ACOXL: variants seen among roughly 807,000 people sequenced by gnomAD.
The protein encoded by ACOXL is acyl-coenzyme A oxidase-like protein.
Under a neutral mutation model 71.9 loss-of-function variants are expected in ACOXL, and 70 were observed. The observed-to-expected ratio is 0.97, with a 90% CI of 0.80 to 1.19. ACOXL has a LOEUF of 1.19. ACOXL is among the 50% of genes most tolerant of loss of function. The probability of loss-of-function intolerance (pLI) is 0.00; values close to 1 mark genes in which losing one functional copy is unlikely to be tolerated. For missense variants in ACOXL, 703 were observed against 736.3 expected (o/e 0.95, Z 0.52); for synonymous variants, 253 against 281.6 (o/e 0.90, Z 1.02).
intron 13 of ACOXL, among the ~76,000 whole-genome samples, chr2:110,994,123 G>A (rs1293524668): frequency 1.3e-5 from 2 of 152,214 alleles, no homozygotes; most frequent in Non-Finnish European, 1.5e-5. Context: ...GGACAAACAT[G>A]TTCTACAGTC....
chr2:111,096,037 C>A (rs899488086), intron 17 of ACOXL, among the ~76,000 whole-genome samples: 3 of 152,066 alleles, frequency 2.0e-5, no homozygotes, highest in African/African-American at 7.2e-5. Flanking sequence ...ATTGAAAGTG[C>A]TAAATGAGAA....
At chr2:110,857,988 A>G (rs1353299218) in intron 10 of ACOXL, among the ~76,000 whole-genome samples, 2 of 152,122 alleles carry the variant, frequency 1.3e-5, no homozygotes, top group Non-Finnish European at 2.9e-5. Flanking sequence ...GGCCTCCCAA[A>G]GTGCTGGGAT....
intron 12 of ACOXL, among the ~76,000 whole-genome samples, chr2:110,955,065 A>G (rs567121574): frequency 2.8e-4 from 42 of 152,298 alleles, no homozygotes; most frequent in African/African-American, 9.9e-4. Flanking sequence ...TCACTATAAT[A>G]TGTATAAATA....
chr2:110,861,776 G>A (rs562579161), intron 10 of ACOXL, among the ~76,000 whole-genome samples: 11 of 152,326 alleles, frequency 7.2e-5, no homozygotes, highest in African/African-American at 2.4e-4. Context: ...GGTTTCAGTG[G>A]ATCTTGCTCT....
At chr2:111,103,676 C>T (rs2069333178) in intron 17 of ACOXL, among the ~76,000 whole-genome samples, 1 of 151,874 alleles carries the variant, frequency 6.6e-6, no homozygotes, top group African/African-American at 2.4e-5. Flanking sequence ...TATGCTTCAC[C>T]TAAAAAGCAT....
chr2:110,764,369 G>C (rs1284334599), intron 1 of ACOXL, among the ~76,000 whole-genome samples: 1 of 152,122 alleles, frequency 6.6e-6, no homozygotes, highest in Non-Finnish European at 1.5e-5. Flanking sequence ...AAAGCACATG[G>C]AGACTTAAAG....
Position 110,959,174 on chromosome 2 carries a change from T to C in ACOXL, c.1059+25532T>C, listed in dbSNP as rs576080776. Among the ~76,000 whole-genome samples the C allele has an allele frequency of 1.5e-4, 23 of 152,310 alleles. No homozygotes were observed. In the South Asian group the frequency reaches 4.8e-3, roughly 32 times the overall value. On this transcript the variant is annotated intron_variant, in intron 12 of 17. Transcript: ENST00000439055. Reference sequence around the variant, plus strand: ...CTTGAGGGAGATGACAGAGGGTTAATTGAGGATGGCAGGGCCCTCCATGTG... The same window carrying C: ...CTTGAGGGAGATGACAGAGGGTTAACTGAGGATGGCAGGGCCCTCCATGTG...
Position 110,805,273 on chromosome 2 carries a change from G to T in ACOXL, c.631G>T (p.Val211Leu). 6.2e-7 allele frequency: 1 copy of T among 1,614,088 alleles called. No individual in the cohort carries two copies. The highest frequency in any genetic ancestry group is 8.5e-7 in the Non-Finnish European group (1 of 1,180,008). The change falls in exon 9 of 18, where the codon GTG becomes TTG. Residue 211 changes from valine (V) to leucine (L), a missense_variant. Physicochemically the swap from Val to Leu is conservative, Grantham distance 32. Coordinates refer to ENST00000439055, the MANE Select transcript of ACOXL (RefSeq NM_001142807.4). ...RENLLDKFGS[V>L]APDGQYHSPI... ...CTCTCTTTTCCACAGGTTTGGTTCC[G>T]TGGCTCCAGATGGACAGTACCATTC...
intron 1 of ACOXL, among the ~76,000 whole-genome samples, chr2:110,753,678 A>G (rs895569824): frequency 6.6e-6 from 1 of 152,240 alleles, no homozygotes; most frequent in Non-Finnish European, 1.5e-5. Flanking sequence ...TGATAAGAAC[A>G]TTCTTCTATG....
intron 1 of ACOXL, among the ~76,000 whole-genome samples, chr2:110,747,719 C>T (rs150113871): frequency 3.3e-5 from 5 of 152,280 alleles, no homozygotes; most frequent in African/African-American, 4.8e-5. Context: ...CTGCCAAAAC[C>T]GACATACCTT....
At chr2:110,903,518 T>A (rs2059326595) in intron 10 of ACOXL, among the ~76,000 whole-genome samples, 1 of 152,242 alleles carries the variant, frequency 6.6e-6, no homozygotes, top group Admixed American at 6.5e-5. Flanking sequence ...ACTTTTTGAT[T>A]TTAAAGACCA....
chr2:110,919,533 G>A lies in ACOXL; in HGVS notation c.905+10628G>A, dbSNP rs140571659. Among the ~76,000 whole-genome samples the A allele has an allele frequency of 7.7e-3, 1,165 of 151,980 alleles. 17 individuals are homozygous for A. Among genetic ancestry groups the A allele is most frequent in the African/African-American group, 0.026 (1,082 of 41,384 alleles). On this transcript the variant is annotated intron_variant, in intron 11 of 17. Coordinates refer to ENST00000439055, the MANE Select transcript of ACOXL (RefSeq NM_001142807.4). ...TAACAAACCTGCATATTCTGCAGAT[G>A]TACCCCAGAACTTAAACTATAATAG...
intron 11 of ACOXL, among the ~76,000 whole-genome samples, chr2:110,912,212 A>C (rs1196392635): frequency 6.6e-6 from 1 of 152,118 alleles, no homozygotes; most frequent in Non-Finnish European, 1.5e-5. Context: ...CTGTAGATAT[A>C]AAGCAGTCTC....
At chr2:110,965,219 C>G (rs1465179651) in intron 12 of ACOXL, among the ~76,000 whole-genome samples, 5 of 152,020 alleles carry the variant, frequency 3.3e-5, no homozygotes, top group Non-Finnish European at 7.4e-5. Context: ...TTCTCCATTT[C>G]TTTGTGTGAT....
intron 12 of ACOXL, among the ~76,000 whole-genome samples, chr2:110,945,123 C>T (rs903147440): frequency 1.3e-5 from 2 of 152,156 alleles, no homozygotes; most frequent in Non-Finnish European, 2.9e-5. Flanking sequence ...TTTTCATATG[C>T]TTGCTAGCTG....
chr2:110,949,382 A>G (rs889533382), intron 12 of ACOXL, among the ~76,000 whole-genome samples: 1 of 94,324 alleles, frequency 1.1e-5, no homozygotes, highest in African/African-American at 3.6e-5. Flanking sequence ...TTTCTGACCA[A>G]CTCCCTTTCT....
chr2:110,810,419 ACCTT>A (rs1218104300), intron 9 of ACOXL, among the ~76,000 whole-genome samples: 1 of 152,012 alleles, frequency 6.6e-6, no homozygotes, highest in African/African-American at 2.4e-5. Context: ...TACTCTTCTA[ACCTT>A]CCTTCCATGT....
At chr2:111,046,018 C>T (rs2066000666) in intron 15 of ACOXL, among the ~76,000 whole-genome samples, 1 of 152,234 alleles carries the variant, frequency 6.6e-6, no homozygotes, top group Non-Finnish European at 1.5e-5. Context: ...CCTGCACCCT[C>T]TCCTGAGGCC....
chr2:110,989,600 C>G (rs529357847), intron 13 of ACOXL, among the ~76,000 whole-genome samples: 1 of 151,994 alleles, frequency 6.6e-6, no homozygotes, highest in African/African-American at 2.4e-5. Context: ...ATATTGGTTC[C>G]CAGGGGCTAA....
Sources: allele counts gnomAD v4.1 joint callset (sites outside exome capture counted in the v4.1 genomes callset), GRCh38; gene constraint gnomAD v4.1.1; transcripts MANE v1.5; gene names NCBI Gene and HGNC (gene_info 2026-07-23, HGNC 2026-07-21).